TDRKH: variants seen among roughly 807,000 people sequenced by gnomAD.
TDRKH encodes tudor and KH domain containing.
Under a neutral mutation model 61.3 loss-of-function variants are expected in TDRKH, and 28 were observed. The ratio of observed to expected loss-of-function variants is 0.46; its 90% confidence interval spans 0.34 to 0.63. The LOEUF (loss-of-function observed/expected upper bound fraction) is 0.63. TDRKH is among the 20% of genes least tolerant of loss of function. The pLI is 0.01. For missense variants in TDRKH, 540 were observed against 683.4 expected (o/e 0.79, Z 2.34); for synonymous variants, 219 against 244.4 (o/e 0.90, Z 0.97).
chr1:151,767,791 T>C (rs1338354781), downstream of TDRKH, among the ~76,000 whole-genome samples: 1 of 152,244 alleles, frequency 6.6e-6, no homozygotes, highest in Non-Finnish European at 1.5e-5. Context: ...TAAACATTTC[T>C]AAGTTCCTAA....
intron 2 of TDRKH, 129 bp downstream of exon 2, chr1:151,782,769 CA>C (rs1649952901): frequency 1.8e-5 from 23 of 1,293,184 alleles, no homozygotes; most frequent in South Asian, 5.0e-5. Flanking sequence ...GACCCTGTCT[CA>C]AAAAAACCCC....
intron 3 of TDRKH, among the ~76,000 whole-genome samples, chr1:151,780,697 A>G (rs1239204099): frequency 6.6e-6 from 1 of 152,072 alleles, no homozygotes; most frequent in African/African-American, 2.4e-5. Context: ...AAAAATACAA[A>G]AAATTAGCTG....
intron 11 of TDRKH, 69 bp downstream of exon 11, chr1:151,774,996 T>C (rs1558137867): frequency 6.7e-6 from 10 of 1,502,362 alleles, no homozygotes; most frequent in East Asian, 2.3e-5. Context: ...GTATCAGGAC[T>C]AGAAGCCCTT....
At chr1:151,790,228 C>A (rs1650786014) in intron 1 of TDRKH, among the ~76,000 whole-genome samples, 152 bp downstream of exon 1, 1 of 152,150 alleles carries the variant, frequency 6.6e-6, no homozygotes, top group African/African-American at 2.4e-5. Context: ...CCCCGAGCGG[C>A]GTCTCACAGC....
At chr1:151,776,720 G>GA in intron 6 of TDRKH, 121 bp from the exon 7 acceptor site, 12 of 1,114,586 alleles carry the variant, frequency 1.1e-5, no homozygotes, top group Non-Finnish European at 1.4e-5. Context: ...AATGGCAGGA[G>GA]AGGCAACTGG....
chr1:151,769,016 G>T (rs373273958), downstream of TDRKH, among the ~76,000 whole-genome samples: 4 of 152,146 alleles, frequency 2.6e-5, no homozygotes, highest in East Asian at 1.9e-4. Context: ...CAAGGCAGAA[G>T]AATTTTTCTT....
At chr1:151,771,888 A>AT, downstream of TDRKH, 1 of 398,646 alleles carries the variant, frequency 2.5e-6, no homozygotes, top group East Asian at 3.6e-5. Context: ...TGAATGATTT[A>AT]TATCAGGGAA....
In TDRKH at chr1:151,775,413, T is replaced by G; in HGVS notation, c.1413A>C (p.Leu471Phe). Reference protein sequence around the residue: ...TGISTWPKIYLYDTSNGKKLD... With the variant: ...TGISTWPKIYFYDTSNGKKLD... ...TTACCTTCCCATTGCTAGTATCATA[T>G]AAGTAGATCTTTGGCCAAGTTGAGA... The change falls in exon 10 of 13, where the codon TTA becomes TTC. Residue 471 changes from leucine (L) to phenylalanine (F), a missense_variant. Leu to Phe is a conservative substitution (Grantham distance 22). This residue lies in a region of TDRKH where 379 missense variants were observed against 443.8 expected (regional missense o/e 0.85). Coordinates refer to ENST00000368824, the MANE Select transcript of TDRKH (RefSeq NM_001083965.2). 2 of 1,613,594 alleles carry G rather than the reference T, an allele frequency of 1.2e-6. No individual in the cohort carries two copies. Among genetic ancestry groups the G allele is most frequent in the Non-Finnish European group, 8.5e-7 (1 of 1,179,812 alleles).
Position 151,782,971 on chromosome 1 carries a change from C to A in TDRKH, c.52G>T (p.Ala18Ser), listed in dbSNP as rs369717003. Residue 18 changes from alanine to serine, a missense_variant, in exon 2 of 13, where the codon GCC (alanine) becomes TCC (serine). Transcript: ENST00000368824. ...WTSLSTIQKI[A>S]LGLGIPASAT... ...CTGGCTGGGATCCCAAGGCCCAGGG[C>A]TATTTTCTGAATGGTGGACAGGCTT... is the stretch of plus-strand genomic sequence containing the variant. 1 of 1,613,706 alleles carries A rather than the reference C, an allele frequency of 6.2e-7. No homozygotes were observed.
chr1:151,779,039 A>T, intron 5 of TDRKH, 33 bp from the exon 6 acceptor site: 2 of 1,612,258 alleles, frequency 1.2e-6, no homozygotes, highest in Non-Finnish European at 1.7e-6. Flanking sequence ...TGATATTCTG[A>T]CCTGGGATAG....
At chr1:151,768,038 C>T, downstream of TDRKH, 1 of 1,613,614 alleles carries the variant, frequency 6.2e-7, no homozygotes, top group Non-Finnish European at 8.5e-7. Context: ...ACTAGAGGAG[C>T]ATTTTTACTC....
chr1:151,774,544 C>T, intron 12 of TDRKH, 40 bp from the exon 13 acceptor site: 1 of 1,611,450 alleles, frequency 6.2e-7, no homozygotes, highest in Non-Finnish European at 8.5e-7. Context: ...TAGACACTGC[C>T]CTATTCTAGC....
downstream of TDRKH, chr1:151,768,178 C>T (rs747993120): frequency 1.6e-5 from 26 of 1,613,866 alleles, no homozygotes; most frequent in East Asian, 2.7e-4. Flanking sequence ...TCTCTGTGAC[C>T]GTCGACTCTT....
chr1:151,770,300 C>G, downstream of TDRKH: 1 of 1,592,856 alleles, frequency 6.3e-7, no homozygotes, highest in Non-Finnish European at 8.6e-7. Flanking sequence ...GCTGAGGCAG[C>G]TGGATAACTC....
At chr1:151,773,091 G>A (rs1049447562), downstream of TDRKH, among the ~76,000 whole-genome samples, 5 of 152,020 alleles carry the variant, frequency 3.3e-5, no homozygotes, top group African/African-American at 1.2e-4. Flanking sequence ...CACCCAGGCT[G>A]GAGTGCAGTG....
chr1:151,771,150 G>A (rs754625469), downstream of TDRKH: 1 of 1,613,536 alleles, frequency 6.2e-7, no homozygotes, highest in East Asian at 2.2e-5. Flanking sequence ...TCCCTCCCTT[G>A]GACAATGTCA....
At chr1:151,777,935 A>G (rs1356206507) in intron 6 of TDRKH, among the ~76,000 whole-genome samples, 1 of 152,070 alleles carries the variant, frequency 6.6e-6, no homozygotes, top group Non-Finnish European at 1.5e-5. Context: ...TTAAGCCGTT[A>G]CAAAAACAAA....
intron 1 of TDRKH, among the ~76,000 whole-genome samples, chr1:151,784,718 A>G (rs1248151390): frequency 1.3e-5 from 2 of 149,300 alleles, no homozygotes; most frequent in Non-Finnish European, 3.0e-5. Flanking sequence ...TCTCTGTTCT[A>G]CCTCACTTTC....
Position 151,773,920 on chromosome 1 carries a change from CCCA to C in TDRKH, c.*529_*531del. On this transcript the variant is annotated 3_prime_UTR_variant, in exon 13 of 13. Coordinates refer to ENST00000368824, the MANE Select transcript of TDRKH (RefSeq NM_001083965.2). ...TCCAATGACGAAAGCCTGACTGTTT[CCCA>C]GCCTCAAAAAGGATACAGCCTAGTA... 6.6e-6 allele frequency: 1 copy of C among 152,382 alleles called. No homozygotes were observed. Among genetic ancestry groups the C allele is most frequent in the Non-Finnish European group, 1.5e-5 (1 of 68,154 alleles). 9.4% of individuals were successfully genotyped at this position (152,382 alleles called of 1,614,324 possible). A position where few individuals can be genotyped will look rare whatever the true frequency, so the allele number is the denominator to read the frequency against.
Sources: gnomAD v4.1 joint callset for allele counts (sites outside exome capture counted in the v4.1 genomes callset) on GRCh38, gnomAD v4.1.1 for gene constraint, gnomAD v4.1.1 regional missense constraint, MANE v1.5 for transcripts, NCBI Gene and HGNC (gene_info 2026-07-23, HGNC 2026-07-21) for gene names.